The following LRP12 variants were observed in gnomAD, a reference collection of about 807,000 sequenced individuals.
LRP12 encodes LDL receptor related protein 12, also known as low-density lipoprotein receptor-related protein 12.
A neutral mutation model predicts 66.0 loss-of-function variants in LRP12; 14 were observed. The observed-to-expected ratio is 0.21, with a 90% CI of 0.14 to 0.33. LRP12 has a LOEUF of 0.33. Among genes scored for constraint, LRP12 ranks in the 10% least tolerant of loss-of-function variants. LRP12 has a pLI of 1.00. For synonymous variants in LRP12, 357 were observed against 359.1 expected (o/e 0.99, Z 0.07); for missense variants, 889 against 1,053.4 (o/e 0.84, Z 2.16).
intron 3 of LRP12, 199 bp downstream of exon 3, chr8:104,508,740 C>A: frequency 2.1e-6 from 1 of 486,946 alleles, no homozygotes; most frequent in Non-Finnish European, 3.6e-6. Flanking sequence ...TACATTACCA[C>A]CCTTAGAAAA....
At chr8:104,560,699 C>A (rs1353105590) in intron 1 of LRP12, among the ~76,000 whole-genome samples, 1 of 152,182 alleles carries the variant, frequency 6.6e-6, no homozygotes, top group Admixed American at 6.5e-5. Flanking sequence ...TATAATGCTA[C>A]TACTTAAAAT....
At chr8:104,579,182 C>T (rs1272044782) in intron 1 of LRP12, among the ~76,000 whole-genome samples, 1 of 152,088 alleles carries the variant, frequency 6.6e-6, no homozygotes, top group Non-Finnish European at 1.5e-5. Flanking sequence ...GTAGAAAACC[C>T]CATAGTCTCG....
chr8:104,514,545 TA>T (rs565370904), intron 2 of LRP12, among the ~76,000 whole-genome samples: 31,847 of 128,662 alleles, frequency 0.25, 3,613 homozygotes, highest in Middle Eastern at 0.29. Flanking sequence ...CGTCTCTACT[TA>T]AAAAAAAAAA....
intron 1 of LRP12, among the ~76,000 whole-genome samples, chr8:104,556,241 T>G (rs555485551): frequency 6.6e-6 from 1 of 151,922 alleles, no homozygotes; most frequent in African/African-American, 2.4e-5. Flanking sequence ...AGGTCACATC[T>G]CAAGGAACTA....
intron 6 of LRP12, among the ~76,000 whole-genome samples, chr8:104,492,881 A>G (rs1474302860): frequency 1.3e-5 from 2 of 152,182 alleles, no homozygotes; most frequent in African/African-American, 4.8e-5. Flanking sequence ...AGCGGTTCAC[A>G]TTTATAATGA....
At chr8:104,546,603 T>C (rs1192019464) in intron 1 of LRP12, among the ~76,000 whole-genome samples, 2 of 152,056 alleles carry the variant, frequency 1.3e-5, no homozygotes, top group African/African-American at 4.8e-5. Flanking sequence ...CTACAGCTAG[T>C]AAGTGGCAGA....
intron 3 of LRP12, chr8:104,506,645 G>A (rs1300574743): frequency 6.6e-6 from 1 of 152,136 alleles, no homozygotes; most frequent in African/African-American, 2.4e-5. Flanking sequence ...GCTGTGGTTG[G>A]TGGAAGATTT....
intron 1 of LRP12, among the ~76,000 whole-genome samples, chr8:104,548,059 G>A (rs1339718027): frequency 1.7e-5 from 2 of 114,410 alleles, no homozygotes; most frequent in Non-Finnish European, 3.3e-5. Context: ...ATTATATTTT[G>A]TATATAATAT....
Position 104,520,592 on chromosome 8 carries a change from A to C in LRP12, c.136+11315T>G, listed in dbSNP as rs115074328. On this transcript the variant is annotated intron_variant, in intron 2 of 6. Coordinates refer to ENST00000276654, the MANE Select transcript of LRP12 (RefSeq NM_013437.5). ...TGTCAAGGGTGGTACCCAGAAATAAACAATACCAGAGTACGTTTGCATGAA... is the reference window on the plus strand; with the variant it reads ...TGTCAAGGGTGGTACCCAGAAATAACCAATACCAGAGTACGTTTGCATGAA... 3.3e-3 allele frequency among the ~76,000 whole-genome samples: 503 copies of C among 152,164 alleles called. 3 individuals are homozygous for C. The highest frequency in any genetic ancestry group is 0.011 in the African/African-American group (462 of 41,554).
chr8:104,564,528 G>A (rs1811964480), intron 1 of LRP12, among the ~76,000 whole-genome samples: 1 of 152,022 alleles, frequency 6.6e-6, no homozygotes, highest in Non-Finnish European at 1.5e-5. Context: ...TCAGGTGTAG[G>A]GATGAGAGTA....
chr8:104,541,362 A>G (rs907906320), intron 1 of LRP12, among the ~76,000 whole-genome samples: 2 of 152,186 alleles, frequency 1.3e-5, no homozygotes, highest in African/African-American at 4.8e-5. Flanking sequence ...ATAAACTGGA[A>G]AAGGAATTTT....
At chr8:104,582,909 C>T (rs934802992) in intron 1 of LRP12, among the ~76,000 whole-genome samples, 4 of 152,070 alleles carry the variant, frequency 2.6e-5, no homozygotes, top group African/African-American at 7.2e-5. Flanking sequence ...AAAATAAGAA[C>T]GATCAGATGT....
intron 1 of LRP12, among the ~76,000 whole-genome samples, chr8:104,542,796 A>G (rs1388892301): frequency 6.6e-6 from 1 of 152,170 alleles, no homozygotes; most frequent in Non-Finnish European, 1.5e-5. Context: ...TGTCATTAAG[A>G]AAATCACAAG....
At chr8:104,579,974 C>T (rs1812220532) in intron 1 of LRP12, among the ~76,000 whole-genome samples, 1 of 152,030 alleles carries the variant, frequency 6.6e-6, no homozygotes, top group African/African-American at 2.4e-5. Context: ...ACTATAAAAA[C>T]CCTGGAAGAC....
chr8:104,546,584 T>C (rs1811560798), intron 1 of LRP12, among the ~76,000 whole-genome samples: 1 of 152,082 alleles, frequency 6.6e-6, no homozygotes, highest in Non-Finnish European at 1.5e-5. Flanking sequence ...ACAATTAACT[T>C]AGACAATTCT....
intron 2 of LRP12, among the ~76,000 whole-genome samples, chr8:104,531,028 T>G (rs2140861997): frequency 6.6e-6 from 1 of 152,274 alleles, no homozygotes; most frequent in East Asian, 1.9e-4. Context: ...TTGTTAAGTC[T>G]ATTAACTTTC....
At chr8:104,571,063 C>T (rs1389576387) in intron 1 of LRP12, among the ~76,000 whole-genome samples, 1 of 152,142 alleles carries the variant, frequency 6.6e-6, no homozygotes, top group African/African-American at 2.4e-5. Flanking sequence ...ATTAACAATA[C>T]CAAGTACTGA....
chr8:104,494,775 G>C lies in LRP12; in HGVS notation c.1713+302C>G, dbSNP rs1810697886. 4.6e-5 allele frequency among the ~76,000 whole-genome samples: 7 copies of C among 152,080 alleles called. No individual in the cohort carries two copies. The South Asian group carries it at 1.4e-3, about 31-fold the overall frequency. Reference sequence around the variant, plus strand: ...ATTTTAGTGTTCATTCTTAAATCTTGCAGATGTTCAGGTCAAGTAAAAAAT... The same window carrying C: ...ATTTTAGTGTTCATTCTTAAATCTTCCAGATGTTCAGGTCAAGTAAAAAAT... On this transcript the variant is annotated intron_variant, in intron 6 of 6. Transcript: ENST00000276654.
chr8:104,499,273 T>C (rs763943699), intron 4 of LRP12, 44 bp downstream of exon 4: 38 of 1,467,302 alleles, frequency 2.6e-5, no homozygotes, highest in Non-Finnish European at 3.2e-5. Flanking sequence ...GAGCAGTTAA[T>C]ACCATAAAAT....
Sources: allele counts gnomAD v4.1 joint callset (sites outside exome capture counted in the v4.1 genomes callset), GRCh38; gene constraint gnomAD v4.1.1; transcripts MANE v1.5; gene names NCBI Gene and HGNC (gene_info 2026-07-23, HGNC 2026-07-21).